TBCE: variants seen among roughly 807,000 people sequenced by gnomAD.
TBCE encodes the protein tubulin-specific chaperone E.
A neutral mutation model predicts 77.0 loss-of-function variants in TBCE; 53 were observed. The observed-to-expected ratio is 0.69, with a 90% CI of 0.55 to 0.87. The LOEUF (loss-of-function observed/expected upper bound fraction) is 0.87. TBCE is among the 40% of genes least tolerant of loss of function. TBCE has a pLI of 0.00. For synonymous variants in TBCE, 235 were observed against 241.3 expected (o/e 0.97, Z 0.24); for missense variants, 624 against 622.4 (o/e 1.00, Z -0.03).
chr1:235,416,615 C>T (rs1212407007), intron 4 of TBCE, among the ~76,000 whole-genome samples: 1 of 151,930 alleles, frequency 6.6e-6, no homozygotes. Flanking sequence ...TAATCTCTTT[C>T]TGAGAATATT....
intron 2 of TBCE, among the ~76,000 whole-genome samples, chr1:235,389,638 A>C (rs550864752): frequency 6.2e-4 from 94 of 152,032 alleles, no homozygotes; most frequent in African/African-American, 2.0e-3. Context: ...GCCTGCATTT[A>C]GTTTAGAGGT....
intron 2 of TBCE, among the ~76,000 whole-genome samples, chr1:235,388,283 C>CTTTTTTTTTTTTTT (rs908940784): frequency 3.4e-5 from 4 of 117,332 alleles, no homozygotes; most frequent in Non-Finnish European, 3.5e-5. Context: ...TCTGTTACTT[C>CTTTTTTTTTTTTTT]TTTTTTTTTT....
At chr1:235,397,785 G>A (rs561930154) in intron 2 of TBCE, among the ~76,000 whole-genome samples, 42 of 152,102 alleles carry the variant, frequency 2.8e-4, no homozygotes, top group Non-Finnish European at 4.4e-4. Flanking sequence ...GGGTTTGTTC[G>A]CCCTGGATGT....
At chr1:235,404,060 C>G (rs943461285) in intron 3 of TBCE, among the ~76,000 whole-genome samples, 1 of 152,172 alleles carries the variant, frequency 6.6e-6, no homozygotes, top group African/African-American at 2.4e-5. Flanking sequence ...AGGCGGATCA[C>G]GAGGTCAGGA....
chr1:235,383,346 T>G (rs933570216), intron 2 of TBCE, among the ~76,000 whole-genome samples: 47 of 152,320 alleles, frequency 3.1e-4, no homozygotes, highest in African/African-American at 8.4e-4. Context: ...TTTCCAATTC[T>G]GTGAAGAAAG....
chr1:235,389,942 T>A lies in TBCE; in HGVS notation c.100+9793T>A, dbSNP rs1478643199. ...GTTTGAGACCAGCCTGACCAACATG[T>A]TGAAACCCTGTCTCTACTAAAAATA... On this transcript the variant is annotated intron_variant, in intron 2 of 16. Coordinates refer to ENST00000642610, the MANE Select transcript of TBCE (RefSeq NM_003193.5). 3.3e-5 allele frequency among the ~76,000 whole-genome samples: 5 copies of A among 151,418 alleles called. No homozygotes were observed. In the East Asian group the frequency reaches 9.7e-4, roughly 30 times the overall value.
At chr1:235,420,390 C>G (rs893595477) in intron 5 of TBCE, among the ~76,000 whole-genome samples, 1 of 151,310 alleles carries the variant, frequency 6.6e-6, no homozygotes, top group Non-Finnish European at 1.5e-5. Flanking sequence ...TCTCAGCTCA[C>G]TGTAACTTCC....
Position 235,448,675 on chromosome 1 carries a change from G to A in TBCE, c.1497G>A (p.Pro499=), listed in dbSNP as rs148233223. 1.7e-4 allele frequency: 280 copies of A among 1,613,568 alleles called. No individual in the cohort carries two copies. In the African/African-American group the frequency reaches 2.3e-3, roughly 13 times the overall value. The change falls in exon 17 of 17, where the codon CCG becomes CCA. Residue 499 remains proline, a synonymous_variant. Coordinates refer to ENST00000642610, the MANE Select transcript of TBCE (RefSeq NM_003193.5). Reference sequence around the variant, plus strand: ...CACCTTCGTTCTAATTTTAGAAGCCGGGCAGAGAAATCGAGCTGGAAAATG... The same window carrying A: ...CACCTTCGTTCTAATTTTAGAAGCCAGGCAGAGAAATCGAGCTGGAAAATG... The part of the protein sequence containing the change: ...LLLSYESPKK[P]GREIELENDL...
At chr1:235,422,734 C>T (rs1680466818) in intron 5 of TBCE, among the ~76,000 whole-genome samples, 1 of 152,130 alleles carries the variant, frequency 6.6e-6, no homozygotes, top group South Asian at 2.1e-4. Flanking sequence ...GAAGCTGAGG[C>T]AGGAGAATCG....
chr1:235,389,329 G>A (rs755865803), intron 2 of TBCE, among the ~76,000 whole-genome samples: 1 of 152,030 alleles, frequency 6.6e-6, no homozygotes. Context: ...TAAGCTTTTT[G>A]TTTGTTTGTT....
chr1:235,423,697 G>A (rs961523232), intron 5 of TBCE: 1 of 152,582 alleles, frequency 6.6e-6, no homozygotes, highest in Non-Finnish European at 1.5e-5. Context: ...GTGTTTGCCC[G>A]GTCTGGAATT....
At chr1:235,389,175 C>T (rs888523037) in intron 2 of TBCE, among the ~76,000 whole-genome samples, 13 of 152,208 alleles carry the variant, frequency 8.5e-5, no homozygotes, top group African/African-American at 2.9e-4. Flanking sequence ...GATAGTTTAG[C>T]AAACGTGAAG....
intron 7 of TBCE, among the ~76,000 whole-genome samples, chr1:235,431,846 A>G (rs1462304495): frequency 7.1e-6 from 1 of 141,200 alleles, no homozygotes; most frequent in Non-Finnish European, 1.5e-5. Context: ...CTAATTTTGT[A>G]TCTTTAGTAG....
At chr1:235,419,605 A>G (rs1680286287) in intron 5 of TBCE, 44 bp downstream of exon 5, 6 of 1,611,672 alleles carry the variant, frequency 3.7e-6, no homozygotes, top group African/African-American at 1.3e-5. Context: ...CTGACTATGG[A>G]TTTTATACCT....
chr1:235,414,617 A>AGGTAAGT lies in TBCE; in HGVS notation c.371+2_371+8dup, dbSNP rs763855483. On this transcript the variant is annotated stop_gained and frameshift_variant and splice_region_variant, in exon 4 of 17. Coordinates refer to ENST00000642610, the MANE Select transcript of TBCE (RefSeq NM_003193.5). LOFTEE classifies it high-confidence loss of function. ...TTTTGACTCTATTATGAAACAGCAA[A>AGGTAAGT]GGTAAGTGGAGTTTATAACGGCAGA... The AGGTAAGT allele has an allele frequency of 5.5e-5, 88 of 1,613,352 alleles. 2 individuals are homozygous for AGGTAAGT. The highest frequency in any genetic ancestry group is 2.1e-4 in the South Asian group (19 of 91,028).
In TBCE at chr1:235,414,485, G is replaced by T. The variant is rs1471259378; in HGVS notation, c.238G>T (p.Asp80Tyr). 1.2e-6 allele frequency: 2 copies of T among 1,613,864 alleles called. No homozygotes were observed. Among genetic ancestry groups the T allele is most frequent in the South Asian group, 1.1e-5 (1 of 91,052 alleles). Residue 80 changes from aspartate to tyrosine, a missense_variant, in exon 4 of 17, where the codon GAC (aspartate) becomes TAC (tyrosine). Coordinates refer to ENST00000642610, the MANE Select transcript of TBCE (RefSeq NM_003193.5). ...IRPNKVNFGT[D>Y]FLTAIKNRYV... ...TCCGAACAAGGTAAATTTTGGAACAGACTTTCTTACTGCAATTAAGAACCG... is the reference window on the plus strand; with the variant it reads ...TCCGAACAAGGTAAATTTTGGAACATACTTTCTTACTGCAATTAAGAACCG...
chr1:235,409,460 A>G (rs1558368341), intron 3 of TBCE, among the ~76,000 whole-genome samples: 1 of 152,074 alleles, frequency 6.6e-6, no homozygotes, highest in Non-Finnish European at 1.5e-5. Context: ...ATTTGTTGTT[A>G]TTGATGGGCA....
intron 13 of TBCE, 198 bp from the exon 14 acceptor site, chr1:235,441,616 G>A: frequency 3.4e-6 from 2 of 592,100 alleles, no homozygotes; most frequent in Non-Finnish European, 3.0e-6. Context: ...GCAGCTCTGG[G>A]TAGATAGAAG....
intron 2 of TBCE, among the ~76,000 whole-genome samples, chr1:235,398,228 C>A (rs1192274234): frequency 6.6e-6 from 1 of 151,162 alleles, no homozygotes; most frequent in East Asian, 1.9e-4. Context: ...TCACTGCAAC[C>A]TACACCTCCT....
Sources: allele counts gnomAD v4.1 joint callset (sites outside exome capture counted in the v4.1 genomes callset), GRCh38; gene constraint gnomAD v4.1.1; transcripts MANE v1.5; gene names NCBI Gene and HGNC (gene_info 2026-07-23, HGNC 2026-07-21).